Variants in PPM1K observed in about 807,000 individuals in gnomAD.
PPM1K encodes protein phosphatase, Mg2+/Mn2+ dependent 1K, also known as protein phosphatase Mn(2+)-dependent 1K.
In PPM1K, 19 loss-of-function variants were observed where a neutral mutation model predicts 32.6. The ratio of observed to expected loss-of-function variants is 0.58; its 90% CI spans 0.41 to 0.86. The LOEUF is 0.86. PPM1K is among the 40% of genes least tolerant of loss of function. The pLI, the probability that PPM1K is intolerant of heterozygous loss-of-function variation, is 0.00. For synonymous variants in PPM1K, 159 were observed against 165.3 expected, an observed-to-expected ratio of 0.96 and a Z score of 0.29; for missense variants, 362 against 461.2, an observed-to-expected ratio of 0.78 and a Z score of 1.97.
intron 3 of PPM1K, chr4:88,276,383 A>C (rs912701385): frequency 2.0e-6 from 2 of 985,320 alleles, no homozygotes; most frequent in African/African-American, 3.5e-5. Context: ...GCTGGTACAG[A>C]AATTTTCAGG....
At chr4:88,282,524 G>A (rs1047053673) in intron 1 of PPM1K, among the ~76,000 whole-genome samples, 3 of 152,024 alleles carry the variant, frequency 2.0e-5, no homozygotes, top group Non-Finnish European at 1.5e-5. Flanking sequence ...ATCAATTAAG[G>A]CATCCCAGTA....
intron 3 of PPM1K, chr4:88,271,154 G>A (rs1336003926): frequency 1.9e-6 from 1 of 517,450 alleles, no homozygotes; most frequent in Non-Finnish European, 3.9e-6. Context: ...GTGTCCACGG[G>A]CTCCAGGTCT....
At position 88,258,096 on chromosome 4, in the gene PPM1K, G is replaced by C. The variant is rs1313647804; in HGVS notation, c.*4499C>G. 2 of 152,042 alleles carry C rather than the reference G, an allele frequency of 1.3e-5. No individual in the cohort carries two copies. The highest frequency in any genetic ancestry group is 4.8e-5 in the African/African-American group (2 of 41,398). The allele number at this position is 152,042 out of a possible 1,614,324, so 9.4% of individuals were successfully genotyped here. A position where few individuals can be genotyped will look rare whatever the true frequency, so the allele number is the denominator to read the frequency against. On this transcript the variant is annotated 3_prime_UTR_variant, in exon 7 of 7. Coordinates refer to ENST00000608933, the MANE Select transcript of PPM1K (RefSeq NM_152542.5). ...TTCTGCCTAAGTCATCTATATAAGC[G>C]AATCTAATAAATACAATAAAATGTA... is the stretch of plus-strand genomic sequence containing the variant.
At chr4:88,277,916 T>C (rs1731847103) in intron 2 of PPM1K, 1 of 574,354 alleles carries the variant, frequency 1.7e-6, no homozygotes. Context: ...TTAAGTGCTA[T>C]AGATTTTGGT....
intron 3 of PPM1K, chr4:88,276,534 T>G (rs1462589901): frequency 6.1e-6 from 6 of 985,298 alleles, no homozygotes; most frequent in Non-Finnish European, 7.2e-6. Flanking sequence ...CACAAAATTT[T>G]AAATTCAGCT....
At chr4:88,265,372 C>A (rs1442288323) in intron 5 of PPM1K, among the ~76,000 whole-genome samples, 1 of 152,230 alleles carries the variant, frequency 6.6e-6, no homozygotes, top group South Asian at 2.1e-4. Flanking sequence ...GGGTCTTTCC[C>A]ATGCCGTTTT....
chr4:88,266,590 GCTGA>G (rs1227694855), intron 5 of PPM1K, among the ~76,000 whole-genome samples: 6 of 150,642 alleles, frequency 4.0e-5, no homozygotes, highest in Middle Eastern at 3.5e-3. Context: ...GGTGATGCTG[GCTGA>G]CTGGGTGCAG....
At position 88,262,725 on chromosome 4, in the gene PPM1K, G is replaced by C; in HGVS notation, c.989C>G (p.Ala330Gly). 1 of 1,597,998 alleles carries C rather than the reference G, an allele frequency of 6.3e-7. No homozygotes were observed. Among genetic ancestry groups the C allele is most frequent in the South Asian group, 1.1e-5 (1 of 87,598 alleles). ...NEAAHAVTEQ[A>G]IQYGTEDNST... is the part of the protein sequence containing the mutation. ...GTTATCCTCAGTACCGTACTGTATTGCCTGCAAGGTTTGGCAGGAAGAAAG... is the reference window on the plus strand; with the variant it reads ...GTTATCCTCAGTACCGTACTGTATTCCCTGCAAGGTTTGGCAGGAAGAAAG... The change falls in exon 7 of 7, where the codon GCA becomes GGA. Residue 330 changes from alanine to glycine, a missense_variant and splice_region_variant. Ala to Gly is a moderately conservative substitution (Grantham distance 60). Coordinates refer to ENST00000608933, the MANE Select transcript of PPM1K (RefSeq NM_152542.5).
chr4:88,276,311 T>G (rs1731765883), intron 3 of PPM1K: 1 of 985,302 alleles, frequency 1.0e-6, no homozygotes, highest in Admixed American at 6.1e-5. Flanking sequence ...CAAATACAGA[T>G]CAAGATTATT....
chr4:88,266,567 CTGAT>C (rs1258359924), intron 5 of PPM1K, among the ~76,000 whole-genome samples: 1 of 142,366 alleles, frequency 7.0e-6, no homozygotes, highest in Non-Finnish European at 1.5e-5. Context: ...GTGATGCTAG[CTGAT>C]TGGGTGCAGG....
chr4:88,268,104 G>C, intron 5 of PPM1K, 86 bp downstream of exon 5: 1 of 1,444,512 alleles, frequency 6.9e-7, no homozygotes, highest in Non-Finnish European at 9.5e-7. Flanking sequence ...TTTGGCTTCA[G>C]TTAAGGCTTC....
At chr4:88,273,553 C>T (rs113237180) in intron 3 of PPM1K, among the ~76,000 whole-genome samples, 46 of 152,098 alleles carry the variant, frequency 3.0e-4, no homozygotes, top group African/African-American at 1.0e-3. Context: ...TGGTGGCAGG[C>T]GCCTATAATC....
Position 88,278,295 on chromosome 4 carries a change from A to C in PPM1K, c.289T>G (p.Cys97Gly). 4 of 1,614,092 alleles carry C rather than the reference A, an allele frequency of 2.5e-6. No homozygotes were observed. The South Asian group carries it at 3.3e-5, about 13-fold the overall frequency. The change falls in exon 2 of 7, where the codon TGC (cysteine) becomes GGC (glycine). Residue 97 changes from cysteine (C) to glycine (G), a missense_variant. Coordinates refer to ENST00000608933, the MANE Select transcript of PPM1K (RefSeq NM_152542.5). The surrounding 1 kb of genome is among the most constrained non-coding windows in gnomAD (Gnocchi z 4.2). Reference sequence around the variant, plus strand: ...TTCCGTTTGCCAATCTGTGAGGCGCACCCCACATTTTCCAAGCTGATTTTG... The same window carrying C: ...TTCCGTTTGCCAATCTGTGAGGCGCCCCCCACATTTTCCAAGCTGATTTTG... ...IPKISLENVG[C>G]ASQIGKRKEN...
rs1275788027 is a variant in PPM1K, at chr4:88,259,124, G to A, written c.*3471C>T. 1 of 150,868 alleles carries A rather than the reference G, an allele frequency of 6.6e-6. No homozygotes were observed. Among genetic ancestry groups the A allele is most frequent in the Non-Finnish European group, 1.5e-5 (1 of 67,856 alleles). 9.3% of individuals were successfully genotyped at this position (150,868 alleles called of 1,614,324 possible). On this transcript the variant is annotated 3_prime_UTR_variant, in exon 7 of 7. Transcript: ENST00000608933. ...GAAAAAAAAATACAAAAATTAGCCA[G>A]GGGTGGTGGCACGCGCCTGTAGTCC... is the stretch of plus-strand genomic sequence containing the variant.
rs1731902946 is a variant in PPM1K at position 88,278,900 on chromosome 4, C to G, written c.-59-258G>C. ...ATCGATTTTCCTACCGCATTCACAG[C>G]ATTTAAATTCTATAAAAATTTAACA... On this transcript the variant is annotated intron_variant, in intron 1 of 6. Coordinates refer to ENST00000608933, the MANE Select transcript of PPM1K (RefSeq NM_152542.5). This position sits in a 1 kb window ranked among gnomAD's most constrained non-coding sequence, Gnocchi z 4.2. 3.5e-6 allele frequency: 1 copy of G among 288,346 alleles called. No individual in the cohort carries two copies. Among genetic ancestry groups the G allele is most frequent in the Non-Finnish European group, 6.6e-6 (1 of 151,950 alleles). 17.9% of individuals were successfully genotyped at this position (288,346 alleles called of 1,614,324 possible).
intron 3 of PPM1K, chr4:88,276,551 A>T: frequency 1.0e-6 from 1 of 985,454 alleles, no homozygotes; most frequent in Non-Finnish European, 1.2e-6. Context: ...AGCTAGCATG[A>T]CCTTATGCTG....
intron 5 of PPM1K, among the ~76,000 whole-genome samples, chr4:88,267,904 CTTGT>C (rs1731400582): frequency 6.6e-6 from 1 of 152,112 alleles, no homozygotes; most frequent in African/African-American, 2.4e-5. Context: ...CAAATGTCTG[CTTGT>C]TTGTTTGTTG....
At chr4:88,271,061 G>A (rs772696160) in intron 3 of PPM1K, 24 of 518,090 alleles carry the variant, frequency 4.6e-5, no homozygotes, top group Admixed American at 9.7e-5. Flanking sequence ...GAACCTTCCC[G>A]TAGTCCAGGA....
Position 88,277,169 on chromosome 4 carries a change from G to A in PPM1K, c.515C>T (p.Ser172Leu), listed in dbSNP as rs370483637. The A allele has an allele frequency of 3.8e-5, 62 of 1,613,700 alleles. No individual in the cohort carries two copies. The highest frequency in any genetic ancestry group is 2.8e-4 in the Admixed American group (17 of 59,988). The change falls in exon 3 of 7, where the codon TCG (serine) becomes TTG (leucine). Residue 172 changes from serine (S) to leucine (L), a missense_variant. Coordinates refer to ENST00000608933, the MANE Select transcript of PPM1K (RefSeq NM_152542.5). ...ATCAGCAGACAGGCGGGCATGACTC[G>A]AAAAGGCTTTATCTATTTCTAGAAA... ...LAFLEIDKAF[S>L]SHARLSADAT...
Sources: allele counts gnomAD v4.1 joint callset (sites outside exome capture counted in the v4.1 genomes callset), GRCh38; gene constraint gnomAD v4.1.1; non-coding constraint Gnocchi (gnomAD v3.1); transcripts MANE v1.5; gene names NCBI Gene and HGNC (gene_info 2026-07-23, HGNC 2026-07-21).